The following SEMA3F variants were observed in gnomAD, a reference collection of about 807,000 sequenced individuals.
SEMA3F encodes the protein semaphorin 3F, also known as semaphorin-3F.
Under a neutral mutation model 98.5 loss-of-function variants are expected in SEMA3F, and 30 were observed. The observed-to-expected ratio is 0.30, with a 90% confidence interval of 0.23 to 0.41. The LOEUF (loss-of-function observed/expected upper bound fraction) is 0.41, where lower values mean the gene tolerates loss of function less well. Among genes scored for constraint, SEMA3F ranks in the 10% least tolerant of loss-of-function variants. The pLI is 1.00. For missense variants in SEMA3F, 866 were observed against 1,119.3 expected (o/e 0.77, Z 3.23); for synonymous variants, 380 against 444.8 (o/e 0.85, Z 1.83).
chr3:50,186,157 G>T (rs1575410264), intron 16 of SEMA3F, 111 bp downstream of exon 16: 2 of 1,446,024 alleles, frequency 1.4e-6, no homozygotes, highest in Non-Finnish European at 1.9e-6. Flanking sequence ...TACCCTAGGG[G>T]AGTCTTATGG....
chr3:50,171,547 G>A (rs1014453805), intron 2 of SEMA3F, among the ~76,000 whole-genome samples: 13 of 152,218 alleles, frequency 8.5e-5, no homozygotes, highest in African/African-American at 2.6e-4. Flanking sequence ...CAGGGGATGG[G>A]TAAGGGCATG....
chr3:50,168,360 C>G (rs1188480887), intron 2 of SEMA3F, among the ~76,000 whole-genome samples: 2 of 152,118 alleles, frequency 1.3e-5, no homozygotes, highest in Non-Finnish European at 2.9e-5. Flanking sequence ...CCTGCCCAGC[C>G]CCATGTGGGA....
At chr3:50,171,873 G>A (rs917501200) in intron 2 of SEMA3F, among the ~76,000 whole-genome samples, 10 of 152,264 alleles carry the variant, frequency 6.6e-5, no homozygotes, top group South Asian at 4.1e-4. Context: ...GCGTCCCTGC[G>A]TCCCAGCGGT....
rs766577529 is a variant in SEMA3F at position 50,187,754 on chromosome 3, G to A, written c.1997G>A (p.Arg666His). The change falls in exon 19 of 19, where the codon CGT becomes CAT. Residue 666 changes from arginine to histidine, a missense_variant. Arg to His is a conservative substitution (Grantham distance 29, BLOSUM62 0). Transcript: ENST00000002829. ...FLRTEQGLLL[R>H]ALQLSDRGLY... ...CGCACAGAGCAGGGCTTGTTGCTCC[G>A]TGCACTGCAGCTCAGCGATCGTGGC... The A allele has an allele frequency of 5.6e-6, 9 of 1,612,854 alleles. No homozygotes were observed. The highest frequency in any genetic ancestry group is 2.2e-5 in the South Asian group (2 of 91,034).
At position 50,182,836 on chromosome 3, in the gene SEMA3F, C is replaced by G; in HGVS notation, c.903+53C>G. ...CCCCTTCCACCAGTTCTGGCTTCAT[C>G]AGCCCTGCTCCAGCCAGGGCTTGGG... On this transcript the variant is annotated intron_variant, in intron 9 of 18. Transcript: ENST00000002829. This position sits in a 1 kb window ranked among gnomAD's most constrained non-coding sequence, Gnocchi z 4.5. 5 of 1,610,324 alleles carry G rather than the reference C, an allele frequency of 3.1e-6. No individual in the cohort carries two copies. The highest frequency in any genetic ancestry group is 4.2e-6 in the Non-Finnish European group (5 of 1,177,780).
At chr3:50,165,477 C>G (rs545496991) in intron 2 of SEMA3F, among the ~76,000 whole-genome samples, 73 of 152,326 alleles carry the variant, frequency 4.8e-4, no homozygotes, top group African/African-American at 1.7e-3. Context: ...TGCAATAACT[C>G]CTTCTGTGAA....
chr3:50,186,113 G>T lies in SEMA3F; in HGVS notation c.1745+67G>T. On this transcript the variant is annotated intron_variant, in intron 16 of 18. Transcript: ENST00000002829. ...AGGGCCCTATCCTAGGGGATTGGGGGTGCATGTGATATTACCCGGGGTGCA... is the reference window on the plus strand; with the variant it reads ...AGGGCCCTATCCTAGGGGATTGGGGTTGCATGTGATATTACCCGGGGTGCA... The T allele has an allele frequency of 5.9e-6, 9 of 1,526,252 alleles. No homozygotes were observed. The South Asian group carries it at 8.3e-5, about 14-fold the overall frequency. The allele number at this position is 1,526,252 out of a possible 1,614,324, so 94.5% of individuals were successfully genotyped here.
Position 50,159,547 on chromosome 3 carries a change from A to C in SEMA3F, c.-48-28A>C, listed in dbSNP as rs534879443. ...AATTGAACTCCCCCATCTGCCTCAC[A>C]CATTCCAATCTTGGTTCCCCTTCCC... On this transcript the variant is annotated intron_variant, in intron 1 of 18. Transcript: ENST00000002829. The C allele has an allele frequency of 3.5e-6, 3 of 866,248 alleles. No homozygotes were observed. In the Admixed American group the frequency reaches 7.1e-5, roughly 20 times the overall value. 53.7% of individuals were successfully genotyped at this position (866,248 alleles called of 1,614,324 possible).
Position 50,182,961 on chromosome 3 carries a change from C to A in SEMA3F, c.961C>A (p.Arg321=), listed in dbSNP as rs370355902. 5 of 1,613,984 alleles carry A rather than the reference C, an allele frequency of 3.1e-6. No homozygotes were observed. The African/African-American group carries it at 6.7e-5, about 22-fold the overall frequency. Residue 321 remains arginine, a synonymous_variant, in exon 10 of 19, where the codon CGG becomes AGG. Coordinates refer to ENST00000002829, the MANE Select transcript of SEMA3F (RefSeq NM_004186.5). The surrounding 1 kb of genome is among the most constrained non-coding windows in gnomAD (Gnocchi z 4.5). ...VNKWSTFLKA[R]LVCSVPGEDG... ...CAAGTGGAGCACATTCCTGAAGGCG[C>A]GGCTCGTCTGCTCTGTCCCGGGCGA... is the stretch of plus-strand genomic sequence containing the variant.
chr3:50,185,467 T>C lies in SEMA3F; in HGVS notation c.1481T>C (p.Ile494Thr), dbSNP rs759180773. The change falls in exon 14 of 19, where the codon ATT (isoleucine) becomes ACT (threonine). Residue 494 changes from isoleucine to threonine, a missense_variant. This residue lies in a region of SEMA3F where 374 missense variants were observed against 582.8 expected (regional missense o/e 0.64). Coordinates refer to ENST00000002829, the MANE Select transcript of SEMA3F (RefSeq NM_004186.5). ...GACCGCGGGACAGTGCAGAAGGTCA[T>C]TGTGCTGCCCAAGGATGACCAGGAG... ...GTDRGTVQKV[I>T]VLPKDDQELE... 1 of 1,612,140 alleles carries C rather than the reference T, an allele frequency of 6.2e-7. No individual in the cohort carries two copies. Among genetic ancestry groups the C allele is most frequent in the Non-Finnish European group, 8.5e-7 (1 of 1,178,958 alleles).
intron 2 of SEMA3F, chr3:50,173,425 T>A (rs1463316872): frequency 8.9e-6 from 2 of 225,380 alleles, no homozygotes. Context: ...TGAGCCAAGA[T>A]CGCGCCATTG....
Position 50,182,562 on chromosome 3 carries a change from C to G in SEMA3F, c.764-82C>G. 2 of 1,582,808 alleles carry G rather than the reference C, an allele frequency of 1.3e-6. No homozygotes were observed. The highest frequency in any genetic ancestry group is 1.7e-6 in the Non-Finnish European group (2 of 1,159,806). On this transcript the variant is annotated intron_variant, in intron 8 of 18. Coordinates refer to ENST00000002829, the MANE Select transcript of SEMA3F (RefSeq NM_004186.5). This position sits in a 1 kb window ranked among gnomAD's most constrained non-coding sequence, Gnocchi z 4.5. Reference sequence around the variant, plus strand: ...TGGAGAGGAGTTGGGGGTGTTCTTGCACCTGGCTGGGGATTCTGTTGGAGA... The same window carrying G: ...TGGAGAGGAGTTGGGGGTGTTCTTGGACCTGGCTGGGGATTCTGTTGGAGA...
intron 7 of SEMA3F, among the ~76,000 whole-genome samples, chr3:50,178,923 C>T (rs1189870050): frequency 2.0e-5 from 3 of 150,120 alleles, no homozygotes; most frequent in Non-Finnish European, 4.4e-5. Context: ...GTTCCGCCTC[C>T]CGGGTTCACG....
chr3:50,159,356 C>G, intron 1 of SEMA3F: 1 of 429,562 alleles, frequency 2.3e-6, no homozygotes, highest in Non-Finnish European at 4.1e-6. Context: ...TCCAGCAGCC[C>G]CCATCAGTTC....
rs1195031315 is a variant in SEMA3F at position 50,183,512 on chromosome 3, A to G, written c.1181A>G (p.Asn394Ser). 3 of 1,613,966 alleles carry G rather than the reference A, an allele frequency of 1.9e-6. No individual in the cohort carries two copies. The African/African-American group carries it at 4.0e-5, about 22-fold the overall frequency. ...NGPFAHKEGP[N>S]YQWMPFSGKM... ...CCCTTTGCCCACAAAGAGGGGCCCA[A>G]CTACCAGTGGATGCCCTTCTCAGGG... The change falls in exon 12 of 19, where the codon AAC becomes AGC. Residue 394 changes from asparagine (N) to serine (S), a missense_variant. Physicochemically the swap from Asn to Ser is conservative, Grantham distance 46. This residue lies in a region of SEMA3F where 374 missense variants were observed against 582.8 expected (regional missense o/e 0.64). Coordinates refer to ENST00000002829, the MANE Select transcript of SEMA3F (RefSeq NM_004186.5).
In SEMA3F at chr3:50,172,337, C is replaced by G. The variant is rs1214887355; in HGVS notation, c.113-1456C>G. On this transcript the variant is annotated intron_variant, in intron 2 of 18. Transcript: ENST00000002829. The stretch of plus-strand genomic sequence containing the variant: ...CATCATCCTCATTACAGTGTTCCCT[C>G]TTTTGCTGAGCTAAAGATAGCTGGG... 2.0e-5 allele frequency among the ~76,000 whole-genome samples: 3 copies of G among 152,280 alleles called. No homozygotes were observed. The East Asian group carries it at 5.8e-4, about 29-fold the overall frequency.
chr3:50,164,452 C>G (rs1475655616), intron 2 of SEMA3F, among the ~76,000 whole-genome samples: 1 of 152,212 alleles, frequency 6.6e-6, no homozygotes, highest in Admixed American at 6.5e-5. Flanking sequence ...CTGTCTGCAC[C>G]TGTGTGTATG....
chr3:50,163,490 G>C (rs911576959), intron 2 of SEMA3F, among the ~76,000 whole-genome samples: 3 of 152,256 alleles, frequency 2.0e-5, no homozygotes, highest in Admixed American at 2.0e-4. Context: ...TGTGGCATCA[G>C]AGGACCAAGG....
At chr3:50,174,136 G>C (rs1448962841) in intron 4 of SEMA3F, 22 bp downstream of exon 4, 1 of 1,613,940 alleles carries the variant, frequency 6.2e-7, no homozygotes, top group Non-Finnish European at 8.5e-7. Context: ...GGGATCCACA[G>C]GTGGGAAGGG....
Sources: allele counts gnomAD v4.1 joint callset (sites outside exome capture counted in the v4.1 genomes callset), GRCh38; gene constraint gnomAD v4.1.1; regional missense constraint gnomAD v4.1.1; non-coding constraint Gnocchi (gnomAD v3.1); transcripts MANE v1.5; gene names NCBI Gene and HGNC (gene_info 2026-07-23, HGNC 2026-07-21).